The following EXOC4 variants were observed in gnomAD, a reference collection of about 807,000 sequenced individuals.
The protein encoded by EXOC4 is SEC8-like 1.
A neutral mutation model predicts 107.2 loss-of-function variants in EXOC4; 71 were observed. The observed-to-expected ratio is 0.66, with a 90% CI of 0.55 to 0.81. EXOC4 has a LOEUF of 0.81. Among genes scored for constraint, EXOC4 ranks in the 30% least tolerant of loss-of-function variants. EXOC4 has a pLI of 0.00. For missense variants in EXOC4, 1,108 were observed against 1,189.6 expected (o/e 0.93, Z 1.01); for synonymous variants, 456 against 441.2 (o/e 1.03, Z -0.42).
intron 14 of EXOC4, among the ~76,000 whole-genome samples, chr7:133,985,608 T>A (rs1794095774): frequency 6.6e-6 from 1 of 152,232 alleles, no homozygotes; most frequent in South Asian, 2.1e-4. Flanking sequence ...GTCTTTCTCG[T>A]AAGACTCTTA....
chr7:134,081,745 A>G, the EXOC4 span, among the ~76,000 whole-genome samples: 99 of 152,280 alleles, frequency 6.5e-4, no homozygotes, highest in African/African-American at 2.4e-3. Flanking sequence ...ATGACCTGCT[A>G]TTCAGTGAGA....
the EXOC4 span, among the ~76,000 whole-genome samples, chr7:134,073,355 C>A: frequency 6.6e-6 from 1 of 151,340 alleles, no homozygotes; most frequent in East Asian, 1.9e-4. Context: ...TCTGATCTTA[C>A]ACGATTGTTT....
At chr7:133,371,344 T>C (rs926698432) in intron 6 of EXOC4, among the ~76,000 whole-genome samples, 2 of 152,176 alleles carry the variant, frequency 1.3e-5, no homozygotes, top group Admixed American at 1.3e-4. Context: ...ACTACCTGGT[T>C]CCAGCACGTT....
chr7:133,603,853 A>G (rs1172304391), intron 9 of EXOC4, among the ~76,000 whole-genome samples: 1 of 152,112 alleles, frequency 6.6e-6, no homozygotes, highest in Non-Finnish European at 1.5e-5. Flanking sequence ...TTATTAATAA[A>G]CAGCTTACTG....
intron 9 of EXOC4, among the ~76,000 whole-genome samples, chr7:133,486,449 A>T (rs1020922805): frequency 1.1e-4 from 16 of 152,148 alleles, no homozygotes; most frequent in African/African-American, 3.6e-4. Context: ...AGTGAGGTGC[A>T]TTATTTTGTA....
At position 133,678,878 on chromosome 7, in the gene EXOC4, C is replaced by T. The variant is rs146433255; in HGVS notation, c.1514+48737C>T. On this transcript the variant is annotated intron_variant, in intron 10 of 17. Coordinates refer to ENST00000253861, the MANE Select transcript of EXOC4 (RefSeq NM_021807.4). Reference sequence around the variant, plus strand: ...CAAGCATTCTCCCCGCCTTGACCTCCCAAAGTGCTGGAATTACAGGCATGA... The same window carrying T: ...CAAGCATTCTCCCCGCCTTGACCTCTCAAAGTGCTGGAATTACAGGCATGA... Among the ~76,000 whole-genome samples, 1,134 of 152,270 alleles carry T rather than the reference C, an allele frequency of 7.4e-3. 10 individuals carry two copies. The highest frequency in any genetic ancestry group is 0.012 in the Admixed American group (178 of 15,290).
intron 9 of EXOC4, among the ~76,000 whole-genome samples, chr7:133,482,491 G>A (rs1295698927): frequency 2.0e-5 from 3 of 152,162 alleles, no homozygotes; most frequent in African/African-American, 7.2e-5. Flanking sequence ...CTCTGCAGCA[G>A]CCGTGGGAAG....
intron 7 of EXOC4, among the ~76,000 whole-genome samples, chr7:133,406,306 A>C (rs1032994268): frequency 6.6e-6 from 1 of 152,188 alleles, no homozygotes; most frequent in African/African-American, 2.4e-5. Context: ...GGAATACCTT[A>C]CAGAATCATA....
chr7:134,050,988 G>T (rs1048852749), intron 17 of EXOC4, among the ~76,000 whole-genome samples: 1 of 152,074 alleles, frequency 6.6e-6, no homozygotes, highest in Non-Finnish European at 1.5e-5. Context: ...AAGAAGAAAT[G>T]AATATGAAAG....
Position 133,535,321 on chromosome 7 carries a change from C to T in EXOC4, c.1417+55183C>T, listed in dbSNP as rs114429635. Among the ~76,000 whole-genome samples, 885 of 152,290 alleles carry T rather than the reference C, an allele frequency of 5.8e-3. 8 individuals carry two copies. The highest frequency in any genetic ancestry group is 0.02 in the African/African-American group (843 of 41,566). ...ACCTTGAATGCAGGCCTTCTGACTT[C>T]AGCTACAGTAATTTTGTCTTTCAGC... On this transcript the variant is annotated intron_variant, in intron 9 of 17. Transcript: ENST00000253861.
intron 10 of EXOC4, among the ~76,000 whole-genome samples, chr7:133,731,857 T>G (rs755827603): frequency 3.9e-5 from 6 of 152,192 alleles, no homozygotes; most frequent in Non-Finnish European, 7.4e-5. Context: ...TATAAATTAG[T>G]TCAACCATTA....
intron 5 of EXOC4, among the ~76,000 whole-genome samples, chr7:133,333,146 C>G (rs1795433092): frequency 6.6e-6 from 1 of 151,996 alleles, no homozygotes; most frequent in South Asian, 2.1e-4. Context: ...AGAGCTGTGT[C>G]TTCTTCATGT....
chr7:133,816,187 G>A (rs999515808), intron 10 of EXOC4, among the ~76,000 whole-genome samples: 1 of 152,140 alleles, frequency 6.6e-6, no homozygotes, highest in African/African-American at 2.4e-5. Flanking sequence ...ATGTACTGTG[G>A]TGACTACACT....
intron 7 of EXOC4, among the ~76,000 whole-genome samples, chr7:133,457,502 A>G (rs1393727781): frequency 6.6e-6 from 1 of 152,140 alleles, no homozygotes; most frequent in Non-Finnish European, 1.5e-5. Context: ...TTCCTTAGGT[A>G]GCTCGCCATA....
chr7:133,677,828 G>A (rs1585072869), intron 10 of EXOC4, among the ~76,000 whole-genome samples: 1 of 151,948 alleles, frequency 6.6e-6, no homozygotes, highest in Non-Finnish European at 1.5e-5. Context: ...GTAACTGAGG[G>A]ATTTTTAAAA....
the EXOC4 span, among the ~76,000 whole-genome samples, chr7:134,095,404 T>C: frequency 9.9e-5 from 15 of 152,138 alleles, no homozygotes; most frequent in Admixed American, 2.6e-4. Context: ...TCCAGAGCAA[T>C]CTACAGATTC....
At chr7:133,623,294 G>T (rs1585038416) in intron 9 of EXOC4, among the ~76,000 whole-genome samples, 1 of 152,138 alleles carries the variant, frequency 6.6e-6, no homozygotes, top group Admixed American at 6.6e-5. Flanking sequence ...CTATTTGGGA[G>T]ATTATCTTTT....
chr7:133,696,160 G>T (rs958064881), intron 10 of EXOC4, among the ~76,000 whole-genome samples: 26 of 152,330 alleles, frequency 1.7e-4, no homozygotes, highest in Admixed American at 1.7e-3. Context: ...GGGTGAGGGA[G>T]CAGTCATGTA....
At chr7:133,938,211 T>C in intron 14 of EXOC4, 142 bp downstream of exon 14, 1 of 772,838 alleles carries the variant, frequency 1.3e-6, no homozygotes, top group African/African-American at 1.7e-5. Context: ...ATTCTGCTTG[T>C]GTTGCACCTC....
Sources: gnomAD v4.1 joint callset for allele counts (sites outside exome capture counted in the v4.1 genomes callset) on GRCh38, gnomAD v4.1.1 for gene constraint, MANE v1.5 for transcripts, NCBI Gene and HGNC (gene_info 2026-07-23, HGNC 2026-07-21) for gene names.